Variants in PCDHA4 observed in about 807,000 individuals in gnomAD.
PCDHA4 encodes the protein protocadherin alpha-4.
In PCDHA4, 49 loss-of-function variants were observed where a neutral mutation model predicts 61.4. That is an observed-to-expected ratio of 0.80 (90% CI 0.63 to 1.01). The LOEUF is 1.01. Ranked by LOEUF, PCDHA4 falls within the 50% of genes least tolerant of loss-of-function variation. PCDHA4 has a pLI of 0.00. For missense variants in PCDHA4, 1,254 were observed against 1,235.8 expected, an observed-to-expected ratio of 1.01 and a Z score of -0.22; for synonymous variants, 590 against 550.3, an observed-to-expected ratio of 1.07 and a Z score of -1.01.
chr5:140,944,273 G>A (rs1208171689), intron 1 of PCDHA4, among the ~76,000 whole-genome samples: 2 of 152,098 alleles, frequency 1.3e-5, no homozygotes, highest in African/African-American at 4.8e-5. Flanking sequence ...CTGCAGCCTT[G>A]ACACCCCGGG....
At chr5:140,944,543 G>C (rs2093667961) in intron 1 of PCDHA4, among the ~76,000 whole-genome samples, 1 of 152,142 alleles carries the variant, frequency 6.6e-6, no homozygotes, top group South Asian at 2.1e-4. Context: ...AGTATTTAAA[G>C]ATCATAGTTT....
chr5:140,967,229 C>T, intron 1 of PCDHA4: 2 of 1,613,760 alleles, frequency 1.2e-6, no homozygotes, highest in East Asian at 2.2e-5. Flanking sequence ...CAACTACCAG[C>T]TTCAGGTAAG....
Position 141,011,633 on chromosome 5 carries a change from G to C in PCDHA4, c.*1696G>C, listed in dbSNP as rs988824031. On this transcript the variant is annotated 3_prime_UTR_variant, in exon 4 of 4. Coordinates refer to ENST00000530339, the MANE Select transcript of PCDHA4 (RefSeq NM_018907.4). ...TTATGGTCCAGCCAAGAGCCATCTC[G>C]TGCCAAGACTTCTGCTGGCAAGGGA... 6.5e-6 allele frequency: 1 copy of C among 153,624 alleles called. No homozygotes were observed. Among genetic ancestry groups the C allele is most frequent in the Non-Finnish European group, 1.5e-5 (1 of 68,022 alleles). 9.5% of individuals were successfully genotyped at this position (153,624 alleles called of 1,614,324 possible). A position where few individuals can be genotyped will look rare whatever the true frequency, so the allele number is the denominator to read the frequency against.
At chr5:140,968,442 T>C in intron 1 of PCDHA4, 1 of 1,614,068 alleles carries the variant, frequency 6.2e-7, no homozygotes, top group Non-Finnish European at 8.5e-7. Flanking sequence ...AGCCCACCAC[T>C]GAGCAGCACT....
At chr5:140,935,767 T>C (rs1373324342) in intron 1 of PCDHA4, among the ~76,000 whole-genome samples, 2 of 152,184 alleles carry the variant, frequency 1.3e-5, no homozygotes, top group Non-Finnish European at 2.9e-5. Flanking sequence ...TCTTCCCCAC[T>C]TTGAGTTTTT....
chr5:140,879,943 G>C (rs1554171086), intron 1 of PCDHA4, among the ~76,000 whole-genome samples: 1 of 152,078 alleles, frequency 6.6e-6, no homozygotes, highest in Non-Finnish European at 1.5e-5. Flanking sequence ...ATTGTATTTA[G>C]GGCCCATCTG....
intron 1 of PCDHA4, among the ~76,000 whole-genome samples, chr5:140,903,136 A>C (rs1554190778): frequency 6.6e-6 from 1 of 152,212 alleles, no homozygotes; most frequent in Non-Finnish European, 1.5e-5. Flanking sequence ...AGAAATCTCC[A>C]AACTGTTTTC....
chr5:140,999,654 C>A (rs180994815), intron 3 of PCDHA4, among the ~76,000 whole-genome samples: 1 of 152,122 alleles, frequency 6.6e-6, no homozygotes, highest in South Asian at 2.1e-4. Flanking sequence ...AGCCTGAGCC[C>A]TGCTGGGTTG....
intron 1 of PCDHA4, chr5:140,851,535 G>T: frequency 1.1e-6 from 1 of 904,912 alleles, no homozygotes. Flanking sequence ...TGACAATGTA[G>T]ATAATTCAAG....
intron 1 of PCDHA4, chr5:140,968,608 T>C: frequency 6.2e-7 from 1 of 1,614,242 alleles, no homozygotes; most frequent in South Asian, 1.1e-5. Context: ...ACTCAGACTC[T>C]GGGCAAAATG....
At chr5:140,942,418 A>G (rs1554214971) in intron 1 of PCDHA4, among the ~76,000 whole-genome samples, 2 of 152,146 alleles carry the variant, frequency 1.3e-5, no homozygotes, top group South Asian at 2.1e-4. Flanking sequence ...TTAAAAAAAA[A>G]AAAGATATCT....
At chr5:140,986,524 G>GAACT (rs1403082336) in intron 3 of PCDHA4, among the ~76,000 whole-genome samples, 2 of 152,198 alleles carry the variant, frequency 1.3e-5, no homozygotes, top group Non-Finnish European at 2.9e-5. Flanking sequence ...GCCTGTGAGG[G>GAACT]AACTGGCCTG....
chr5:141,006,105 G>T (rs2098255059), intron 3 of PCDHA4, among the ~76,000 whole-genome samples: 1 of 143,364 alleles, frequency 7.0e-6, no homozygotes. Context: ...ATGGTAAGGA[G>T]TTTTTTTTTT....
At chr5:140,968,634 A>T (rs782166097) in intron 1 of PCDHA4, 7 of 1,614,176 alleles carry the variant, frequency 4.3e-6, no homozygotes, top group Non-Finnish European at 5.9e-6. Flanking sequence ...CTTTTTTACC[A>T]TCTAGCCCAG....
At chr5:140,852,794 G>A (rs2042475674) in intron 1 of PCDHA4, 1 of 976,830 alleles carries the variant, frequency 1.0e-6, no homozygotes, top group South Asian at 4.8e-5. Flanking sequence ...GGATGCTACA[G>A]ATGTCATTTG....
At position 140,849,885 on chromosome 5, in the gene PCDHA4, G is replaced by A. The variant is rs2150456327; in HGVS notation, c.2385+40313G>A. On this transcript the variant is annotated intron_variant, in intron 1 of 3. Transcript: ENST00000530339. ...CGCGCAGTCCGAGTACACGGTGTTC[G>A]TGAAGGAGAACAACCCGCCGGGCTG... The A allele has an allele frequency of 1.6e-5, 25 of 1,598,614 alleles. 3 individuals carry two copies. Among genetic ancestry groups the A allele is most frequent in the Non-Finnish European group, 2.0e-5 (23 of 1,167,994 alleles).
At chr5:140,924,183 A>G (rs1554201796) in intron 1 of PCDHA4, among the ~76,000 whole-genome samples, 1 of 152,230 alleles carries the variant, frequency 6.6e-6, no homozygotes, top group Non-Finnish European at 1.5e-5. Context: ...GAAGCAGAAA[A>G]TTAGTTTTGG....
Position 140,807,561 on chromosome 5 carries a change from A to T in PCDHA4, c.374A>T (p.Asp125Val). The change falls in exon 1 of 4, where the codon GAC becomes GTC. Residue 125 changes from aspartate (D) to valine (V), a missense_variant. By Grantham distance (152) the Asp-to-Val change is radical (BLOSUM62 -3). Coordinates refer to ENST00000530339, the MANE Select transcript of PCDHA4 (RefSeq NM_018907.4). ...TTCCATGTGGACGTGGAGGTGAGGG[A>T]CATTAACGATAACCCGCCGGTGTTC... is the stretch of plus-strand genomic sequence containing the variant. ...QVFHVDVEVR[D>V]INDNPPVFPA... 6.2e-7 allele frequency: 1 copy of T among 1,614,180 alleles called. No individual in the cohort carries two copies. The highest frequency in any genetic ancestry group is 8.5e-7 in the Non-Finnish European group (1 of 1,180,038).
chr5:140,918,572 G>T (rs2153549346), intron 1 of PCDHA4, among the ~76,000 whole-genome samples: 1 of 152,264 alleles, frequency 6.6e-6, no homozygotes, highest in Middle Eastern at 3.4e-3. Context: ...ATATTATGCT[G>T]CTATTGGCTA....
Sources: allele counts gnomAD v4.1 joint callset (sites outside exome capture counted in the v4.1 genomes callset), GRCh38; gene constraint gnomAD v4.1.1; transcripts MANE v1.5; gene names NCBI Gene and HGNC (gene_info 2026-07-23, HGNC 2026-07-21).